Variants in DENND6A observed in about 807,000 individuals in gnomAD.
The protein encoded by DENND6A is DENN domain containing 6A.
A neutral mutation model predicts 95.5 loss-of-function variants in DENND6A; 43 were observed. That is an observed-to-expected ratio of 0.45 (90% confidence interval 0.35 to 0.58). DENND6A has a LOEUF of 0.58. Among genes scored for constraint, DENND6A ranks in the 20% least tolerant of loss-of-function variants. The probability of loss-of-function intolerance (pLI) is 0.00; values close to 1 mark genes in which losing one functional copy is unlikely to be tolerated. For synonymous variants in DENND6A, 257 were observed against 260.4 expected (o/e 0.99, Z 0.13); for missense variants, 574 against 736.0 (o/e 0.78, Z 2.55).
intron 3 of DENND6A, 99 bp from the exon 4 acceptor site, chr3:57,666,334 T>A: frequency 2.1e-6 from 2 of 946,342 alleles, no homozygotes; most frequent in Non-Finnish European, 3.1e-6. Flanking sequence ...TCAATCATTT[T>A]AACCCATTCT....
In DENND6A at chr3:57,627,821, G is replaced by A. The variant is rs1188061749; in HGVS notation, c.*393C>T. ...TTCTGTTCTTAAGAAGATAGCCAGT[G>A]TGAATGTTATTTTTATATCCCCCTG... On this transcript the variant is annotated 3_prime_UTR_variant, in exon 20 of 20. Transcript: ENST00000311128. The A allele has an allele frequency of 6.0e-6, 1 of 167,240 alleles. No homozygotes were observed. Among genetic ancestry groups the A allele is most frequent in the Non-Finnish European group, 1.3e-5 (1 of 76,270 alleles). 10.4% of individuals were successfully genotyped at this position (167,240 alleles called of 1,614,324 possible).
chr3:57,641,726 T>C lies in DENND6A; in HGVS notation c.1059A>G (p.Val353=). 1.2e-6 allele frequency: 2 copies of C among 1,613,358 alleles called. No homozygotes were observed. Among genetic ancestry groups the C allele is most frequent in the Non-Finnish European group, 1.7e-6 (2 of 1,179,664 alleles). Residue 353 remains valine (V), a synonymous_variant, in exon 12 of 20, where the codon GTA becomes GTG. Coordinates refer to ENST00000311128, the MANE Select transcript of DENND6A (RefSeq NM_152678.3). ...TQAPPSVILG[V]TNPFFAKTLQ... Reference sequence around the variant, plus strand: ...GTGTCTTAGCAAAAAAAGGGTTGGTTACTCCTAATATAACTGAGGGCCTAT... The same window carrying C: ...GTGTCTTAGCAAAAAAAGGGTTGGTCACTCCTAATATAACTGAGGGCCTAT...
chr3:57,642,792 G>T (rs2070977036), intron 11 of DENND6A, among the ~76,000 whole-genome samples: 1 of 152,072 alleles, frequency 6.6e-6, no homozygotes, highest in African/African-American at 2.4e-5. Flanking sequence ...GATCACCTGA[G>T]GTCAGGAGTT....
At chr3:57,657,626 C>A in intron 9 of DENND6A, 54 bp downstream of exon 9, 1 of 1,160,394 alleles carries the variant, frequency 8.6e-7, no homozygotes, top group South Asian at 1.4e-5. Context: ...AATAAATTAA[C>A]ACCACCACCA....
At chr3:57,671,496 C>G (rs2071616465) in intron 3 of DENND6A, among the ~76,000 whole-genome samples, 3 of 151,258 alleles carry the variant, frequency 2.0e-5, no homozygotes, top group Admixed American at 2.0e-4. Context: ...CGTCACTGCA[C>G]TCCAGCCTGG....
chr3:57,633,325 A>G lies in DENND6A; in HGVS notation c.1293T>C (p.Ala431=). The change falls in exon 15 of 20, where the codon GCT becomes GCC. Residue 431 remains alanine (A), a synonymous_variant. Transcript: ENST00000311128. ...AATAGCGTCGAAGAATAACACTTTG[A>G]GCCTCAGAAGGACGTTTCTGTTGTA... The part of the protein sequence containing the change: ...KGVQQKRPSE[A]QSVILRRYFL... The G allele has an allele frequency of 6.2e-7, 1 of 1,613,902 alleles. No individual in the cohort carries two copies. Among genetic ancestry groups the G allele is most frequent in the Non-Finnish European group, 8.5e-7 (1 of 1,179,930 alleles).
chr3:57,626,138 G>T lies in DENND6A; in HGVS notation c.*2076C>A, dbSNP rs1410625595. On this transcript the variant is annotated 3_prime_UTR_variant, in exon 20 of 20. Transcript: ENST00000311128. ...ATAACTCATATGATCCAAGGCAAAC[G>T]ATTTCTTTCAAATGCCATATTCTCT... 6.6e-6 allele frequency: 1 copy of T among 152,502 alleles called. No individual in the cohort carries two copies. Among genetic ancestry groups the T allele is most frequent in the Non-Finnish European group, 1.5e-5 (1 of 68,012 alleles). The allele number at this position is 152,502 out of a possible 1,614,324, so 9.4% of individuals were successfully genotyped here. A position where few individuals can be genotyped will look rare whatever the true frequency, so the allele number is the denominator to read the frequency against.
Position 57,673,237 on chromosome 3 carries a change from GAA to G in DENND6A, c.238-801_238-800del, listed in dbSNP as rs1429355202. ...TCAAAAAAAAAAAAAAAAAAAGAAA[GAA>G]AAAGAAAAAAAAAAAATAATGAAAT... On this transcript the variant is annotated intron_variant, in intron 1 of 19. Coordinates refer to ENST00000311128, the MANE Select transcript of DENND6A (RefSeq NM_152678.3). 5.8e-3 allele frequency among the ~76,000 whole-genome samples: 672 copies of G among 116,770 alleles called. 1 individual carries two copies. The highest frequency in any genetic ancestry group is 0.019 in the Middle Eastern group (4 of 206). The allele number at this position is 116,770 out of a possible 152,430, so 76.6% of individuals were successfully genotyped here.
At chr3:57,644,939 A>C (rs1289729902) in intron 11 of DENND6A, among the ~76,000 whole-genome samples, 1 of 152,014 alleles carries the variant, frequency 6.6e-6, no homozygotes, top group African/African-American at 2.4e-5. Context: ...GTCAATCCGC[A>C]GTTGACTAGA....
chr3:57,629,272 A>G (rs1358637843), intron 18 of DENND6A, among the ~76,000 whole-genome samples: 1 of 152,162 alleles, frequency 6.6e-6, no homozygotes, highest in African/African-American at 2.4e-5. Flanking sequence ...CTGGATGTAC[A>G]CTTCGTGTTT....
chr3:57,626,312 G>A lies in DENND6A; in HGVS notation c.*1902C>T, dbSNP rs1331814963. 1 of 152,476 alleles carries A rather than the reference G, an allele frequency of 6.6e-6. No individual in the cohort carries two copies. The highest frequency in any genetic ancestry group is 1.5e-5 in the Non-Finnish European group (1 of 68,012). 9.4% of individuals were successfully genotyped at this position (152,476 alleles called of 1,614,324 possible). On this transcript the variant is annotated 3_prime_UTR_variant, in exon 20 of 20. Coordinates refer to ENST00000311128, the MANE Select transcript of DENND6A (RefSeq NM_152678.3). ...CGACAGAGAACAAAAGATAGCTTCT[G>A]AAGCCATATCCTTTACAAATACATA...
chr3:57,630,605 T>C, intron 17 of DENND6A, 82 bp from the exon 18 acceptor site: 1 of 1,521,348 alleles, frequency 6.6e-7, no homozygotes, highest in African/African-American at 1.4e-5. Context: ...CAGAGAACCA[T>C]GTCAAACTTT....
intron 12 of DENND6A, among the ~76,000 whole-genome samples, chr3:57,639,899 G>C (rs1010427614): frequency 6.6e-6 from 1 of 152,060 alleles, no homozygotes; most frequent in Non-Finnish European, 1.5e-5. Context: ...GTATATACCA[G>C]AAGGAATATC....
intron 5 of DENND6A, among the ~76,000 whole-genome samples, chr3:57,662,180 TTTTTC>T (rs1214227393): frequency 6.6e-5 from 8 of 120,736 alleles, no homozygotes; most frequent in Admixed American, 5.2e-4. Flanking sequence ...TTTCTTTTCT[TTTTTC>T]TTTTTTTTTT....
intron 1 of DENND6A, chr3:57,679,609 T>C: frequency 2.1e-6 from 2 of 970,316 alleles, no homozygotes; most frequent in African/African-American, 1.8e-5. Flanking sequence ...ATTAGATGTG[T>C]CCTTGTGGGA....
chr3:57,691,539 T>C (rs1031731234), intron 1 of DENND6A, among the ~76,000 whole-genome samples: 2 of 152,096 alleles, frequency 1.3e-5, no homozygotes, highest in Admixed American at 6.6e-5. Flanking sequence ...AACTGTGTTA[T>C]AATAAAACAT....
chr3:57,649,271 T>A (rs2071143163), intron 9 of DENND6A, among the ~76,000 whole-genome samples: 1 of 152,040 alleles, frequency 6.6e-6, no homozygotes, highest in Admixed American at 6.6e-5. Context: ...CATCACTAAT[T>A]ATCAGGGAAA....
At chr3:57,630,129 T>TC (rs1311392917) in intron 18 of DENND6A, among the ~76,000 whole-genome samples, 1 of 152,192 alleles carries the variant, frequency 6.6e-6, no homozygotes, top group African/African-American at 2.4e-5. Context: ...CACTGTTGGC[T>TC]CCACTACTTA....
chr3:57,664,470 T>C (rs2071493087), intron 4 of DENND6A, among the ~76,000 whole-genome samples: 1 of 152,188 alleles, frequency 6.6e-6, no homozygotes, highest in South Asian at 2.1e-4. Context: ...GGTGATGTGT[T>C]AGAGAAGATA....
Sources: gnomAD v4.1 joint callset for allele counts (sites outside exome capture counted in the v4.1 genomes callset) on GRCh38, gnomAD v4.1.1 for gene constraint, MANE v1.5 for transcripts, NCBI Gene and HGNC (gene_info 2026-07-23, HGNC 2026-07-21) for gene names.